OLFM3: variants seen among roughly 807,000 people sequenced by gnomAD.
OLFM3 encodes the protein noelin-3.
Under a neutral mutation model 48.6 loss-of-function variants are expected in OLFM3, and 20 were observed. The ratio of observed to expected loss-of-function variants is 0.41; its 90% CI spans 0.29 to 0.60. OLFM3 has a LOEUF of 0.60. OLFM3 is among the 20% of genes least tolerant of loss of function. OLFM3 has a pLI of 0.28. For missense variants in OLFM3, 437 were observed against 544.3 expected, an observed-to-expected ratio of 0.80 and a Z score of 1.96; for synonymous variants, 222 against 198.1, an observed-to-expected ratio of 1.12 and a Z score of -1.01.
At chr1:101,812,338 A>T in intron 4 of OLFM3, 1 of 778,942 alleles carries the variant, frequency 1.3e-6, no homozygotes, top group Non-Finnish European at 1.6e-6. Context: ...GTGTAATTTT[A>T]AAAATATATA....
Position 101,996,863 on chromosome 1 carries a change from T to G in OLFM3, c.-47A>C, listed in dbSNP as rs761333440. 2 of 1,588,332 alleles carry G rather than the reference T, an allele frequency of 1.3e-6. No homozygotes were observed. Among genetic ancestry groups the G allele is most frequent in the South Asian group, 2.2e-5 (2 of 90,336 alleles). On this transcript the variant is annotated 5_prime_UTR_variant, in exon 1 of 6. Transcript: ENST00000370103. ...TCTTTACTCTCTTTTATGTAGGCTC[T>G]CCACTCACTGCAGAGACCTTTCCCT...
chr1:101,953,979 TA>T (rs1660218632), intron 1 of OLFM3, among the ~76,000 whole-genome samples: 1 of 152,120 alleles, frequency 6.6e-6, no homozygotes, highest in Non-Finnish European at 1.5e-5. Context: ...GCTAAGAATG[TA>T]AGGAAAATTA....
intron 1 of OLFM3, among the ~76,000 whole-genome samples, chr1:101,968,436 T>A (rs1660683016): frequency 6.6e-6 from 1 of 151,166 alleles, no homozygotes; most frequent in Non-Finnish European, 1.5e-5. Flanking sequence ...ATAGTGTAGA[T>A]GATGTGTAGC....
At chr1:101,946,213 T>C (rs1219838464) in intron 1 of OLFM3, among the ~76,000 whole-genome samples, 3 of 152,160 alleles carry the variant, frequency 2.0e-5, no homozygotes, top group African/African-American at 7.2e-5. Context: ...CAGAATCCAA[T>C]TTGATTCAAT....
intron 1 of OLFM3, chr1:101,847,148 C>T: frequency 1.4e-6 from 1 of 706,298 alleles, no homozygotes; most frequent in Non-Finnish European, 1.7e-6. Context: ...GTGGGAAGTG[C>T]CCTGCCCTTC....
intron 1 of OLFM3, among the ~76,000 whole-genome samples, chr1:101,905,433 G>A (rs1658520584): frequency 6.6e-6 from 1 of 152,128 alleles, no homozygotes; most frequent in Admixed American, 6.5e-5. Context: ...ATCCAGACTG[G>A]GTGTGAGAAA....
At chr1:101,964,458 AGACT>A (rs772111958) in intron 1 of OLFM3, among the ~76,000 whole-genome samples, 9 of 152,226 alleles carry the variant, frequency 5.9e-5, no homozygotes, top group Non-Finnish European at 8.8e-5. Flanking sequence ...TATAAGAGAC[AGACT>A]GAGAGTAAAA....
intron 2 of OLFM3, among the ~76,000 whole-genome samples, 162 bp from the exon 3 acceptor site, chr1:101,830,989 C>T (rs1166523208): frequency 6.6e-6 from 1 of 152,136 alleles, no homozygotes; most frequent in Non-Finnish European, 1.5e-5. Flanking sequence ...TCATTATAAA[C>T]ATTTAAAGAA....
chr1:101,838,606 T>G (rs1655550599), intron 1 of OLFM3, among the ~76,000 whole-genome samples: 1 of 152,292 alleles, frequency 6.6e-6, no homozygotes, highest in East Asian at 1.9e-4. Context: ...TTTTTCTAGC[T>G]TCTCCTGATA....
intron 4 of OLFM3, among the ~76,000 whole-genome samples, chr1:101,817,163 T>C (rs1373422583): frequency 1.3e-5 from 2 of 152,132 alleles, no homozygotes; most frequent in African/African-American, 2.4e-5. Context: ...TCATTATCTT[T>C]CTCACTTTAC....
At chr1:101,960,828 T>A (rs1369721547) in intron 1 of OLFM3, among the ~76,000 whole-genome samples, 1 of 152,110 alleles carries the variant, frequency 6.6e-6, no homozygotes, top group Non-Finnish European at 1.5e-5. Context: ...CACAATAGCA[T>A]CCATCGTTAA....
At chr1:101,952,809 TA>T (rs143490505) in intron 1 of OLFM3, among the ~76,000 whole-genome samples, 1 of 151,638 alleles carries the variant, frequency 6.6e-6, no homozygotes, top group Admixed American at 6.6e-5. Context: ...CTATCTTTTT[TA>T]AAAAAAAATT....
intron 1 of OLFM3, among the ~76,000 whole-genome samples, chr1:101,958,746 T>C (rs1298562764): frequency 6.6e-6 from 1 of 151,684 alleles, no homozygotes; most frequent in African/African-American, 2.4e-5. Context: ...AGAGTGGGTA[T>C]AGTCTCTTAA....
At chr1:101,986,020 C>A (rs1235018731) in intron 1 of OLFM3, among the ~76,000 whole-genome samples, 1 of 148,226 alleles carries the variant, frequency 6.7e-6, no homozygotes, top group Non-Finnish European at 1.5e-5. Context: ...GGCTGGAGTG[C>A]AGTGGCGCGA....
intron 4 of OLFM3, among the ~76,000 whole-genome samples, chr1:101,807,470 T>C: frequency 6.6e-6 from 1 of 151,800 alleles, no homozygotes; most frequent in Non-Finnish European, 1.5e-5. Flanking sequence ...TTCTTGTTTT[T>C]TTGGAAAGAA....
At chr1:101,937,408 C>G (rs150773546) in intron 1 of OLFM3, among the ~76,000 whole-genome samples, 23 of 152,218 alleles carry the variant, frequency 1.5e-4, no homozygotes, top group Middle Eastern at 3.4e-3. Context: ...TGGCTGTGTC[C>G]CAACCTAAAT....
intron 1 of OLFM3, among the ~76,000 whole-genome samples, chr1:101,989,140 T>G (rs1661329689): frequency 6.6e-6 from 1 of 152,050 alleles, no homozygotes; most frequent in African/African-American, 2.4e-5. Flanking sequence ...GGTAAAATTT[T>G]GACATATGGA....
intron 1 of OLFM3, chr1:101,847,061 T>A: frequency 1.3e-6 from 2 of 1,493,764 alleles, no homozygotes; most frequent in Non-Finnish European, 1.8e-6. Context: ...GCGCGCCACA[T>A]CTACAGCATG....
chr1:101,881,685 GCA>G (rs201920629), intron 1 of OLFM3, among the ~76,000 whole-genome samples: 1,715 of 151,750 alleles, frequency 0.011, 31 homozygotes, highest in African/African-American at 0.038. Flanking sequence ...GCCACCATAT[GCA>G]CAGACTATAC....
Sources: gnomAD v4.1 joint callset for allele counts (sites outside exome capture counted in the v4.1 genomes callset) on GRCh38, gnomAD v4.1.1 for gene constraint, MANE v1.5 for transcripts, NCBI Gene and HGNC (gene_info 2026-07-23, HGNC 2026-07-21) for gene names.